The following SIK3 variants were observed in gnomAD, a reference collection of about 807,000 sequenced individuals.
SIK3 encodes serine/threonine-protein kinase SIK3.
Under a neutral mutation model 144.2 loss-of-function variants are expected in SIK3, and 28 were observed. The ratio of observed to expected loss-of-function variants is 0.19; its 90% CI spans 0.14 to 0.27. SIK3 has a LOEUF of 0.27. Among genes scored for constraint, SIK3 ranks in the 10% least tolerant of loss-of-function variants. SIK3 has a pLI of 1.00. For synonymous variants in SIK3, 686 were observed against 676.3 expected (o/e 1.01, Z -0.22); for missense variants, 1,319 against 1,776.0 (o/e 0.74, Z 4.62).
chr11:117,037,833 G>C (rs1018534121), intron 1 of SIK3, among the ~76,000 whole-genome samples: 8 of 152,184 alleles, frequency 5.3e-5, no homozygotes, highest in African/African-American at 1.9e-4. Flanking sequence ...ACAAAGCCAA[G>C]TGATTCAAAC....
intron 1 of SIK3, among the ~76,000 whole-genome samples, chr11:117,057,469 C>A (rs967836152): frequency 6.6e-6 from 1 of 152,134 alleles, no homozygotes; most frequent in Non-Finnish European, 1.5e-5. Context: ...TCTATTTCCT[C>A]AATTTAGTAG....
chr11:116,876,121 G>A (rs1944239881), intron 8 of SIK3, 112 bp from the exon 9 acceptor site: 2 of 1,508,160 alleles, frequency 1.3e-6, no homozygotes, highest in African/African-American at 2.8e-5. Flanking sequence ...TTCTTTCCAA[G>A]GCCCAGGAAG....
chr11:117,017,895 G>A (rs756998391), intron 1 of SIK3, among the ~76,000 whole-genome samples: 3 of 152,102 alleles, frequency 2.0e-5, no homozygotes, highest in Non-Finnish European at 2.9e-5. Flanking sequence ...CAAATGTATA[G>A]CATTATTAAT....
At chr11:117,089,610 T>C (rs976155427) in intron 1 of SIK3, among the ~76,000 whole-genome samples, 1 of 152,176 alleles carries the variant, frequency 6.6e-6, no homozygotes, top group Admixed American at 6.6e-5. Flanking sequence ...TCAAGAAATG[T>C]GGGCAACTAA....
chr11:116,977,709 A>C (rs937534110), intron 1 of SIK3, among the ~76,000 whole-genome samples: 1 of 152,330 alleles, frequency 6.6e-6, no homozygotes, highest in Middle Eastern at 3.4e-3. Context: ...AACAATAATA[A>C]GCTAATTTTA....
At chr11:116,847,802 A>C (rs1487202241) in intron 22 of SIK3, among the ~76,000 whole-genome samples, 194 bp from the exon 23 acceptor site, 1 of 152,122 alleles carries the variant, frequency 6.6e-6, no homozygotes, top group East Asian at 1.9e-4. Flanking sequence ...GGCTCTGCCC[A>C]GTGGGGGGGC....
chr11:117,010,731 G>C (rs58176010), intron 1 of SIK3, among the ~76,000 whole-genome samples: 1 of 152,052 alleles, frequency 6.6e-6, no homozygotes, highest in Non-Finnish European at 1.5e-5. Flanking sequence ...AAGCGACTCA[G>C]TCCACCAAAA....
intron 3 of SIK3, among the ~76,000 whole-genome samples, chr11:116,948,590 T>TAAGGG (rs561430724): frequency 1.3e-5 from 2 of 152,164 alleles, no homozygotes; most frequent in African/African-American, 2.4e-5. Flanking sequence ...TTTTGTTTCT[T>TAAGGG]AAGGGACTGT....
At chr11:116,917,826 GGAAGGA>G (rs2135032303) in intron 4 of SIK3, among the ~76,000 whole-genome samples, 1 of 137,366 alleles carries the variant, frequency 7.3e-6, no homozygotes, top group East Asian at 2.3e-4. Context: ...GGAAGAAGAA[GGAAGGA>G]AAGGAAAGGA....
chr11:117,057,471 A>G lies in SIK3; in HGVS notation c.273+40672T>C, dbSNP rs1251967798. On this transcript the variant is annotated intron_variant, in intron 1 of 24. Transcript: ENST00000445177. ...CACACTGAAACCCTCTATTTCCTCAATTTAGTAGACTGGCAAGCTGTGATT... is the reference window on the plus strand; with the variant it reads ...CACACTGAAACCCTCTATTTCCTCAGTTTAGTAGACTGGCAAGCTGTGATT... Among the ~76,000 whole-genome samples, 5 of 152,170 alleles carry G rather than the reference A, an allele frequency of 3.3e-5. 1 individual carries two copies. The South Asian group carries it at 8.3e-4, about 25-fold the overall frequency.
intron 3 of SIK3, among the ~76,000 whole-genome samples, chr11:116,942,652 T>C (rs1948376280): frequency 6.6e-6 from 1 of 152,006 alleles, no homozygotes; most frequent in South Asian, 2.1e-4. Flanking sequence ...GAGACAGCCA[T>C]GTGGATATGT....
At chr11:116,893,737 T>A (rs1197834024) in intron 6 of SIK3, 1 of 152,496 alleles carries the variant, frequency 6.6e-6, no homozygotes, top group Non-Finnish European at 1.5e-5. Flanking sequence ...GAAGTGTTAA[T>A]CACTGCTGGG....
At chr11:116,909,989 T>C (rs1305157038) in intron 4 of SIK3, among the ~76,000 whole-genome samples, 2 of 152,218 alleles carry the variant, frequency 1.3e-5, no homozygotes, top group African/African-American at 4.8e-5. Context: ...TCATTAAATA[T>C]AATTTTAAAG....
At position 117,094,356 on chromosome 11, in the gene SIK3, G is replaced by C. The variant is rs1007478452; in HGVS notation, c.273+3787C>G. Among the ~76,000 whole-genome samples the C allele has an allele frequency of 2.0e-5, 3 of 152,202 alleles. No homozygotes were observed. In the East Asian group the frequency reaches 5.8e-4, roughly 29 times the overall value. Reference sequence around the variant, plus strand: ...TTACAGACTCATGCCTGTAATCCCAGCACTTTGGGAGGCTGAAGCAGGAGG... The same window carrying C: ...TTACAGACTCATGCCTGTAATCCCACCACTTTGGGAGGCTGAAGCAGGAGG... On this transcript the variant is annotated intron_variant, in intron 1 of 24. Coordinates refer to ENST00000445177, the MANE Select transcript of SIK3 (RefSeq NM_001366686.3).
chr11:117,060,633 T>C (rs981320432), intron 1 of SIK3, among the ~76,000 whole-genome samples: 2 of 150,262 alleles, frequency 1.3e-5, no homozygotes, highest in African/African-American at 4.9e-5. Flanking sequence ...TGCCAGGGAC[T>C]GAGGAGAGGA....
intron 22 of SIK3, among the ~76,000 whole-genome samples, chr11:116,848,073 G>T (rs1942131936): frequency 6.6e-6 from 1 of 152,204 alleles, no homozygotes; most frequent in African/African-American, 2.4e-5. Flanking sequence ...CCAGCACTTT[G>T]GGAGGCTGAG....
intron 1 of SIK3, among the ~76,000 whole-genome samples, chr11:116,991,589 T>C (rs1030116940): frequency 1.3e-5 from 2 of 152,188 alleles, no homozygotes; most frequent in South Asian, 2.1e-4. Context: ...GAAGTACAAA[T>C]AATTCTATAC....
rs565600345 is a variant in SIK3 at position 117,030,843 on chromosome 11, A to C, written c.273+67300T>G. ...GTGCCAGTGCACCCAGGCTTTTTAA[A>C]AATTAAACTCTATTTTGAGATATCT... On this transcript the variant is annotated intron_variant, in intron 1 of 24. Transcript: ENST00000445177. Among the ~76,000 whole-genome samples, 3 of 152,248 alleles carry C rather than the reference A, an allele frequency of 2.0e-5. No individual in the cohort carries two copies. In the South Asian group the frequency reaches 6.2e-4, roughly 32 times the overall value.
At chr11:116,961,370 C>G (rs555631511) in intron 1 of SIK3, among the ~76,000 whole-genome samples, 35 of 152,270 alleles carry the variant, frequency 2.3e-4, no homozygotes, top group Non-Finnish European at 3.8e-4. Flanking sequence ...GAGAAACTGC[C>G]AAGTCAGACA....
Sources: gnomAD v4.1 joint callset for allele counts (sites outside exome capture counted in the v4.1 genomes callset) on GRCh38, gnomAD v4.1.1 for gene constraint, MANE v1.5 for transcripts, NCBI Gene and HGNC (gene_info 2026-07-23, HGNC 2026-07-21) for gene names.